Variants in PCDH7 observed in about 807,000 individuals in gnomAD.
The protein encoded by PCDH7 is protocadherin-7.
PCDH7 carries 17 observed loss-of-function variants against 58.9 expected under a neutral mutation model. The ratio of observed to expected loss-of-function variants is 0.29; its 90% CI spans 0.20 to 0.43. PCDH7 has a LOEUF of 0.43. Ranked by LOEUF, PCDH7 falls within the 20% of genes least tolerant of loss-of-function variation. The pLI is 1.00. For synonymous variants in PCDH7, 664 were observed against 616.4 expected (o/e 1.08, Z -1.14); for missense variants, 1,274 against 1,441.0 (o/e 0.88, Z 1.88).
intron 3 of PCDH7, among the ~76,000 whole-genome samples, chr4:31,040,745 T>TA (rs147066339): frequency 1.2e-3 from 181 of 151,996 alleles, no homozygotes; most frequent in African/African-American, 3.9e-3. Context: ...CAATTTGAGT[T>TA]AAAAAAAAGA....
chr4:30,958,267 A>G (rs1010133646), intron 3 of PCDH7, among the ~76,000 whole-genome samples: 14 of 152,094 alleles, frequency 9.2e-5, no homozygotes, highest in African/African-American at 3.4e-4. Context: ...AATGTCTCAT[A>G]TAGTTAACTG....
chr4:30,872,599 G>A (rs1314393006), intron 1 of PCDH7, among the ~76,000 whole-genome samples: 1 of 151,970 alleles, frequency 6.6e-6, no homozygotes, highest in Non-Finnish European at 1.5e-5. Context: ...TTGGGTAGCT[G>A]TGATCTCGAA....
intron 3 of PCDH7, among the ~76,000 whole-genome samples, chr4:30,974,050 G>GA (rs369937017): frequency 0.012 from 1,751 of 149,262 alleles, 27 homozygotes; most frequent in African/African-American, 0.036. Flanking sequence ...TCTTCTCTAG[G>GA]AAAAAAAAAC....
chr4:31,142,330 TG>T, intron 3 of PCDH7, 142 bp from the exon 3 acceptor site: 1 of 733,652 alleles, frequency 1.4e-6, no homozygotes, highest in Non-Finnish European at 2.0e-6. Context: ...AACTGTCCTA[TG>T]GAATGATGAG....
intron 1 of PCDH7, among the ~76,000 whole-genome samples, chr4:30,740,652 A>C (rs1057390925): frequency 2.6e-5 from 4 of 152,020 alleles, no homozygotes; most frequent in African/African-American, 4.8e-5. Context: ...TTTACCTTTT[A>C]CAAAAAAAAG....
chr4:30,900,108 T>C (rs919017805), intron 1 of PCDH7, among the ~76,000 whole-genome samples: 2 of 152,144 alleles, frequency 1.3e-5, no homozygotes, highest in Non-Finnish European at 2.9e-5. Context: ...ACACAAAGAT[T>C]GGGATTTACT....
chr4:30,723,240 G>A lies in PCDH7; in HGVS notation c.1818G>A (p.Glu606=), dbSNP rs781018883. ...ACCGCGAGCAGACTGACAGGTATGAGTTTAAAGTTAACGCCAAAGACAAAG... is the reference window on the plus strand; with the variant it reads ...ACCGCGAGCAGACTGACAGGTATGAATTTAAAGTTAACGCCAAAGACAAAG... The change falls in exon 1 of 2, where the codon GAG becomes GAA. Residue 606 remains glutamate, a synonymous_variant. Transcript: ENST00000361762. This position sits in a 1 kb window ranked among gnomAD's most constrained non-coding sequence, Gnocchi z 4.6. 6.2e-7 allele frequency: 1 copy of A among 1,614,130 alleles called. No individual in the cohort carries two copies. The highest frequency in any genetic ancestry group is 8.5e-7 in the Non-Finnish European group (1 of 1,180,064).
chr4:31,075,931 C>G (rs1758953242), intron 3 of PCDH7, among the ~76,000 whole-genome samples: 1 of 152,190 alleles, frequency 6.6e-6, no homozygotes, highest in Non-Finnish European at 1.5e-5. Context: ...GTAAAGTACT[C>G]CAGCAAGCCC....
chr4:30,726,052 A>G (rs543485971), intron 1 of PCDH7, among the ~76,000 whole-genome samples: 1 of 152,068 alleles, frequency 6.6e-6, no homozygotes, highest in African/African-American at 2.4e-5. Context: ...TGAATTATTT[A>G]TTTATTTTAA....
intron 3 of PCDH7, among the ~76,000 whole-genome samples, chr4:30,955,825 A>C (rs2109453096): frequency 6.6e-6 from 1 of 152,100 alleles, no homozygotes; most frequent in South Asian, 2.1e-4. Flanking sequence ...CTGGGATTAC[A>C]GGCATAAGCC....
At chr4:30,787,643 AGGGCC>A (rs1723588238) in intron 1 of PCDH7, among the ~76,000 whole-genome samples, 1 of 152,064 alleles carries the variant, frequency 6.6e-6, no homozygotes, top group Admixed American at 6.6e-5. Flanking sequence ...TATGCAGAAG[AGGGCC>A]TTTTTAAATT....
intron 3 of PCDH7, among the ~76,000 whole-genome samples, chr4:31,026,053 C>T (rs1033922197): frequency 6.6e-6 from 1 of 152,140 alleles, no homozygotes; most frequent in African/African-American, 2.4e-5. Context: ...CTGTTATATG[C>T]CATGTCTTAC....
At chr4:30,910,969 T>C (rs1333175308) in intron 1 of PCDH7, among the ~76,000 whole-genome samples, 2 of 152,140 alleles carry the variant, frequency 1.3e-5, no homozygotes, top group African/African-American at 4.8e-5. Context: ...CATGGAATAC[T>C]ATGCAGCCAT....
intron 3 of PCDH7, among the ~76,000 whole-genome samples, chr4:31,089,091 T>C (rs1712874172): frequency 6.6e-6 from 1 of 152,044 alleles, no homozygotes; most frequent in South Asian, 2.1e-4. Flanking sequence ...ACCACTTGTT[T>C]GCTTTAGATA....
chr4:30,969,860 G>A (rs1227962799), intron 3 of PCDH7, among the ~76,000 whole-genome samples: 1 of 152,124 alleles, frequency 6.6e-6, no homozygotes, highest in Non-Finnish European at 1.5e-5. Context: ...GAGACACTAG[G>A]CCCTTAAATT....
In PCDH7 at chr4:30,756,135, T is replaced by C. The variant is rs144872342; in HGVS notation, c.70+31539T>C. On this transcript the variant is annotated intron_variant, in intron 1 of 3. Coordinates refer to the PCDH7 transcript ENST00000509759. ...TATGGCGGAGGTCAAAGTGGAAACATGCACCTGTGAGGAGGGACTAAACCT... is the reference window on the plus strand; with the variant it reads ...TATGGCGGAGGTCAAAGTGGAAACACGCACCTGTGAGGAGGGACTAAACCT... Among the ~76,000 whole-genome samples the C allele has an allele frequency of 2.9e-3, 434 of 152,086 alleles. 3 individuals are homozygous for C. The highest frequency in any genetic ancestry group is 9.5e-3 in the African/African-American group (396 of 41,490).
At chr4:30,881,087 C>A (rs939639292) in intron 1 of PCDH7, among the ~76,000 whole-genome samples, 1 of 152,078 alleles carries the variant, frequency 6.6e-6, no homozygotes, top group African/African-American at 2.4e-5. Flanking sequence ...ATTTGTTGAA[C>A]AGTATGAGAT....
At chr4:30,741,497 A>G (rs796707137) in intron 1 of PCDH7, among the ~76,000 whole-genome samples, 5 of 152,200 alleles carry the variant, frequency 3.3e-5, no homozygotes, top group African/African-American at 9.7e-5. Context: ...CCTGGCCAAC[A>G]ATAAATATTA....
chr4:31,097,633 T>TAA, intron 3 of PCDH7, among the ~76,000 whole-genome samples: 1 of 39,804 alleles, frequency 2.5e-5, no homozygotes, highest in Non-Finnish European at 3.8e-5. Context: ...TATATATATA[T>TAA]ATATAAATCT....
Sources: gnomAD v4.1 joint callset for allele counts (sites outside exome capture counted in the v4.1 genomes callset) on GRCh38, gnomAD v4.1.1 for gene constraint, Gnocchi (gnomAD v3.1) non-coding constraint, MANE v1.5 for transcripts, NCBI Gene and HGNC (gene_info 2026-07-23, HGNC 2026-07-21) for gene names.